GNG7: variants seen among roughly 807,000 people sequenced by gnomAD.
GNG7 encodes the protein G protein subunit gamma 7, also known as guanine nucleotide-binding protein G(I)/G(S)/G(O) subunit gamma-7.
A neutral mutation model predicts 4.0 loss-of-function variants in GNG7; 1 was observed. The observed-to-expected ratio is 0.25, with a 90% CI of 0.09 to 1.18. GNG7 has a LOEUF of 1.18. GNG7 is among the 50% of genes most tolerant of loss of function. The probability of loss-of-function intolerance (pLI) is 0.50; values close to 1 mark genes in which losing one functional copy is unlikely to be tolerated. For synonymous variants in GNG7, 34 were observed against 36.9 expected (o/e 0.92, Z 0.29); for missense variants, 86 against 91.9 (o/e 0.94, Z 0.26).
rs34865250 is a variant in GNG7, at chr19:2,514,968, C to CAGAGAGAGAGAGAG, written c.*40_*53dup. On this transcript the variant is annotated 3_prime_UTR_variant, in exon 5 of 5. Coordinates refer to ENST00000382159, the MANE Select transcript of GNG7 (RefSeq NM_052847.3). The stretch of plus-strand genomic sequence containing the variant: ...GCCCTGCCTGAGACAGAGACAGAGA[C>CAGAGAGAGAGAGAG]AGAGAGAGAGAGAGAGAAAGAGAGA... 32 of 1,238,838 alleles carry CAGAGAGAGAGAGAG rather than the reference C, an allele frequency of 2.6e-5. No homozygotes were observed. Among genetic ancestry groups the CAGAGAGAGAGAGAG allele is most frequent in the Admixed American group, 1.5e-4 (8 of 53,316 alleles). 76.7% of individuals were successfully genotyped at this position (1,238,838 alleles called of 1,614,324 possible). A position where few individuals can be genotyped will look rare whatever the true frequency, so the allele number is the denominator to read the frequency against.
chr19:2,616,832 C>T (rs1434524708), intron 2 of GNG7, among the ~76,000 whole-genome samples: 2 of 151,962 alleles, frequency 1.3e-5, no homozygotes, highest in African/African-American at 4.8e-5. Context: ...TGACCAGGGC[C>T]CTAGGGGAGG....
At chr19:2,527,994 G>T (rs1014815769) in intron 3 of GNG7, among the ~76,000 whole-genome samples, 1 of 152,186 alleles carries the variant, frequency 6.6e-6, no homozygotes, top group Non-Finnish European at 1.5e-5. Context: ...TATGCTAGGC[G>T]TGGTGGCTCA....
At chr19:2,533,394 T>C (rs1281199276) in intron 3 of GNG7, among the ~76,000 whole-genome samples, 1 of 152,106 alleles carries the variant, frequency 6.6e-6, no homozygotes, top group Non-Finnish European at 1.5e-5. Flanking sequence ...AAACAGAGGT[T>C]GCTGCCTCTG....
At chr19:2,603,953 C>T (rs1224348508) in intron 2 of GNG7, among the ~76,000 whole-genome samples, 1 of 151,994 alleles carries the variant, frequency 6.6e-6, no homozygotes, top group Non-Finnish European at 1.5e-5. Flanking sequence ...TGGGTTCACG[C>T]CATTCTCCTG....
chr19:2,696,781 G>A (rs1387831812), intron 1 of GNG7, among the ~76,000 whole-genome samples: 2 of 152,258 alleles, frequency 1.3e-5, no homozygotes, highest in Admixed American at 6.5e-5. Context: ...ACAGGAGGGA[G>A]AGGCGTGGGT....
intron 2 of GNG7, among the ~76,000 whole-genome samples, chr19:2,563,106 A>C (rs897499042): frequency 1.3e-5 from 2 of 151,302 alleles, no homozygotes; most frequent in African/African-American, 4.9e-5. Context: ...CACCACGCCC[A>C]GCTAATTTTT....
chr19:2,571,193 C>T (rs1980134843), intron 2 of GNG7, among the ~76,000 whole-genome samples: 2 of 152,166 alleles, frequency 1.3e-5, no homozygotes, highest in African/African-American at 2.4e-5. Context: ...AGCCTGACGA[C>T]GCCCAGTGTC....
chr19:2,643,571 G>T, intron 2 of GNG7: 1 of 429,532 alleles, frequency 2.3e-6, no homozygotes. Flanking sequence ...AGACCTCTCC[G>T]GACTCTGCAC....
intron 2 of GNG7, among the ~76,000 whole-genome samples, chr19:2,600,867 C>T (rs7260328): frequency 0.16 from 24,332 of 152,042 alleles, 4,374 homozygotes; most frequent in African/African-American, 0.41. Context: ...TTGAGAACTC[C>T]AATACACAGG....
At chr19:2,668,448 G>T (rs551098973) in intron 1 of GNG7, among the ~76,000 whole-genome samples, 1 of 152,290 alleles carries the variant, frequency 6.6e-6, no homozygotes, top group South Asian at 2.1e-4. Flanking sequence ...GGAACCAGTG[G>T]CTGGGCGGTT....
intron 1 of GNG7, among the ~76,000 whole-genome samples, chr19:2,673,029 G>GGT (rs1983496578): frequency 6.6e-6 from 1 of 151,866 alleles, no homozygotes; most frequent in African/African-American, 2.4e-5. Context: ...GGCCGAGGCG[G>GGT]GCAGATCACA....
At position 2,637,217 on chromosome 19, in the gene GNG7, C is replaced by CCG. The variant is rs1555699231; in HGVS notation, c.-78+9005_-78+9006dup. Among the ~76,000 whole-genome samples the CCG allele has an allele frequency of 8.6e-3, 1,304 of 152,010 alleles. 7 individuals are homozygous for CCG. Among genetic ancestry groups the CCG allele is most frequent in the Middle Eastern group, 0.024 (7 of 294 alleles). On this transcript the variant is annotated intron_variant, in intron 2 of 4. Transcript: ENST00000382159. The stretch of plus-strand genomic sequence containing the variant: ...CAGAGGCCCCAGGAACAGGCTCCCC[C>CCG]CGCCCCCGAGCCCGGCCCGTCTTTG...
intron 1 of GNG7, among the ~76,000 whole-genome samples, chr19:2,654,308 G>T (rs1056271608): frequency 6.6e-6 from 1 of 150,642 alleles, no homozygotes; most frequent in Non-Finnish European, 1.5e-5. Context: ...TCCTAGACAC[G>T]ATCCGAAACA....
intron 1 of GNG7, among the ~76,000 whole-genome samples, chr19:2,650,974 C>T (rs1473124743): frequency 6.6e-6 from 1 of 152,170 alleles, no homozygotes. Flanking sequence ...CGGCTTTAAA[C>T]CCAGCTCAGG....
intron 2 of GNG7, among the ~76,000 whole-genome samples, chr19:2,640,418 G>A (rs73920522): frequency 0.023 from 3,559 of 152,208 alleles, 70 homozygotes; most frequent in Middle Eastern, 0.075. Context: ...CAAGAATGAG[G>A]GTGGATGTCG....
intron 3 of GNG7, among the ~76,000 whole-genome samples, chr19:2,537,863 G>C (rs574716063): frequency 4.6e-5 from 7 of 152,260 alleles, no homozygotes; most frequent in Admixed American, 2.0e-4. Context: ...ATCACTTGCG[G>C]TCAGGAGTTC....
At position 2,661,304 on chromosome 19, in the gene GNG7, G is replaced by GAAAGAAAGAAAGAAAGAA. The variant is rs1568277823; in HGVS notation, c.-134-15042_-134-15025dup. ...AAAGAAAGAAAGAAAGAAAGAAAGA[G>GAAAGAAAGAAAGAAAGAA]AAAGAAAGAAAGAAAGAAAGAAAGA... is the stretch of plus-strand genomic sequence containing the variant. On this transcript the variant is annotated intron_variant, in intron 1 of 4. Transcript: ENST00000382159. 8.5e-4 allele frequency among the ~76,000 whole-genome samples: 74 copies of GAAAGAAAGAAAGAAAGAA among 87,046 alleles called. 3 individuals carry two copies. The highest frequency in any genetic ancestry group is 2.7e-3 in the African/African-American group (56 of 20,996). The allele number at this position is 87,046 out of a possible 152,430, so 57.1% of individuals were successfully genotyped here.
chr19:2,576,108 G>GCTC (rs1980330495), intron 2 of GNG7, among the ~76,000 whole-genome samples: 1 of 151,476 alleles, frequency 6.6e-6, no homozygotes, highest in Admixed American at 6.6e-5. Context: ...CACAGAACCA[G>GCTC]ACACACAGAT....
At chr19:2,624,977 C>T (rs749527395) in intron 2 of GNG7, among the ~76,000 whole-genome samples, 1 of 152,320 alleles carries the variant, frequency 6.6e-6, no homozygotes, top group Non-Finnish European at 1.5e-5. Flanking sequence ...GGTGCAGAGC[C>T]GGACCCCAGG....
Sources: allele counts gnomAD v4.1 joint callset (sites outside exome capture counted in the v4.1 genomes callset), GRCh38; gene constraint gnomAD v4.1.1; transcripts MANE v1.5; gene names NCBI Gene and HGNC (gene_info 2026-07-23, HGNC 2026-07-21).